RECK: variants seen among roughly 807,000 people sequenced by gnomAD.
The protein encoded by RECK is reversion-inducing cysteine-rich protein with Kazal motifs.
In RECK, 69 loss-of-function variants were observed where a neutral mutation model predicts 115.1. The ratio of observed to expected loss-of-function variants is 0.60; its 90% CI spans 0.49 to 0.73. The LOEUF is 0.73. Among genes scored for constraint, RECK ranks in the 30% least tolerant of loss-of-function variants. The pLI, the probability that RECK is intolerant of heterozygous loss-of-function variation, is 0.00. For missense variants in RECK, 1,047 were observed against 1,203.7 expected, an observed-to-expected ratio of 0.87 and a Z score of 1.93; for synonymous variants, 414 against 419.7, an observed-to-expected ratio of 0.99 and a Z score of 0.17.
At chr9:36,082,505 C>CT (rs1404374659) in intron 7 of RECK, among the ~76,000 whole-genome samples, 1 of 152,126 alleles carries the variant, frequency 6.6e-6, no homozygotes, top group African/African-American at 2.4e-5. Context: ...CTACCTCTCC[C>CT]TTCAGCCTCC....
chr9:36,041,265 A>T (rs980794198), intron 1 of RECK, among the ~76,000 whole-genome samples: 4 of 152,218 alleles, frequency 2.6e-5, no homozygotes, highest in African/African-American at 9.6e-5. Context: ...TATATAGCAC[A>T]TAGTATGATG....
intron 6 of RECK, among the ~76,000 whole-genome samples, chr9:36,072,013 A>C (rs1428482137): frequency 6.6e-6 from 1 of 152,160 alleles, no homozygotes; most frequent in African/African-American, 2.4e-5. Flanking sequence ...GAGATATTTG[A>C]GATATTTTCT....
intron 9 of RECK, among the ~76,000 whole-genome samples, chr9:36,089,692 G>T (rs1281134388): frequency 6.6e-6 from 1 of 152,022 alleles, no homozygotes; most frequent in African/African-American, 2.4e-5. Flanking sequence ...ATGTGTATAA[G>T]GTATATATGA....
At chr9:36,066,384 A>G (rs1157874389) in intron 6 of RECK, among the ~76,000 whole-genome samples, 1 of 152,180 alleles carries the variant, frequency 6.6e-6, no homozygotes. Flanking sequence ...CACCATTTTT[A>G]TATACAAACA....
Position 36,091,274 on chromosome 9 carries a change from T to C in RECK, c.1016T>C (p.Leu339Ser), listed in dbSNP as rs766270335. ...NPVEVSMLTC[L>S]ADVREPCQLG... ...GTGGAAGTGTCCATGTTGACCTGTTTAGCGGATGTCCGGGAACCTTGCCAG... is the reference window on the plus strand; with the variant it reads ...GTGGAAGTGTCCATGTTGACCTGTTCAGCGGATGTCCGGGAACCTTGCCAG... Residue 339 changes from leucine to serine, a missense_variant, in exon 10 of 21, where the codon TTA becomes TCA. Transcript: ENST00000377966. 2 of 1,611,192 alleles carry C rather than the reference T, an allele frequency of 1.2e-6. No individual in the cohort carries two copies. Among genetic ancestry groups the C allele is most frequent in the Non-Finnish European group, 1.7e-6 (2 of 1,179,092 alleles).
In RECK at chr9:36,123,205, G is replaced by T; in HGVS notation, c.*160G>T. The T allele has an allele frequency of 7.2e-6, 4 of 557,714 alleles. No individual in the cohort carries two copies. The highest frequency in any genetic ancestry group is 2.8e-5 in the South Asian group (1 of 36,332). 34.5% of individuals were successfully genotyped at this position (557,714 alleles called of 1,614,324 possible). A position where few individuals can be genotyped will look rare whatever the true frequency, so the allele number is the denominator to read the frequency against. ...TTTTTTTAATCCGCCAATATTAGTA[G>T]GATTTTTGTTTTGTTTTTACAAATG... On this transcript the variant is annotated 3_prime_UTR_variant, in exon 21 of 21. Coordinates refer to ENST00000377966, the MANE Select transcript of RECK (RefSeq NM_021111.3).
At chr9:36,083,962 C>T (rs1822835538) in intron 8 of RECK, among the ~76,000 whole-genome samples, 1 of 152,048 alleles carries the variant, frequency 6.6e-6, no homozygotes, top group Non-Finnish European at 1.5e-5. Context: ...ATGTTCACTA[C>T]AATGCTGGTA....
At chr9:36,112,648 G>A (rs1351741914) in intron 16 of RECK, among the ~76,000 whole-genome samples, 172 bp downstream of exon 16, 2 of 152,152 alleles carry the variant, frequency 1.3e-5, no homozygotes, top group African/African-American at 2.4e-5. Context: ...AAGGTGCTGC[G>A]ATTGGGAGCC....
chr9:36,060,785 T>A (rs2132581613), intron 4 of RECK, among the ~76,000 whole-genome samples: 1 of 152,254 alleles, frequency 6.6e-6, no homozygotes, highest in East Asian at 1.9e-4. Flanking sequence ...TCTGAGAAGG[T>A]GACTCTCAAA....
chr9:36,065,270 A>G (rs947670263), intron 5 of RECK, among the ~76,000 whole-genome samples: 5 of 147,030 alleles, frequency 3.4e-5, no homozygotes, highest in Admixed American at 6.8e-5. Context: ...CTGATTTACA[A>G]TTTCCTTCAA....
chr9:36,122,756 A>T, intron 20 of RECK, 68 bp from the exon 21 acceptor site: 1 of 1,305,842 alleles, frequency 7.7e-7, no homozygotes, highest in South Asian at 1.3e-5. Flanking sequence ...TATACGTGGA[A>T]TTTGTCTGGC....
At position 36,118,863 on chromosome 9, in the gene RECK, G is replaced by C; in HGVS notation, c.2360G>C (p.Cys787Ser). Residue 787 changes from cysteine (C) to serine (S), a missense_variant, in exon 18 of 21, where the codon TGC becomes TCC. Coordinates refer to ENST00000377966, the MANE Select transcript of RECK (RefSeq NM_021111.3). Reference sequence around the variant, plus strand: ...GTGGCAGTCGATTACTATGGGGACTGCCAGGCCGTCGGAGTCCTCTCAGAG... The same window carrying C: ...GTGGCAGTCGATTACTATGGGGACTCCCAGGCCGTCGGAGTCCTCTCAGAG... ...DRVAVDYYGDCQAVGVLSEHS... is the reference protein window; with the variant it reads ...DRVAVDYYGDSQAVGVLSEHS... 2 of 1,614,120 alleles carry C rather than the reference G, an allele frequency of 1.2e-6. No homozygotes were observed. The highest frequency in any genetic ancestry group is 1.7e-6 in the Non-Finnish European group (2 of 1,180,042).
Position 36,052,283 on chromosome 9 carries a change from A to T in RECK, c.119A>T (p.His40Leu). 2.5e-6 allele frequency: 4 copies of T among 1,609,358 alleles called. No individual in the cohort carries two copies. The highest frequency in any genetic ancestry group is 3.4e-6 in the Non-Finnish European group (4 of 1,175,870). Residue 40 changes from histidine to leucine, a missense_variant, in exon 2 of 21, where the codon CAT (histidine) becomes CTT (leucine). His to Leu is a moderately conservative substitution (Grantham distance 99, BLOSUM62 -3). Coordinates refer to ENST00000377966, the MANE Select transcript of RECK (RefSeq NM_021111.3). ...PGSAGALCCN[H>L]SKDNQMCRDV... ...TCCCTAGGTGCATTGTGTTGTAATC[A>T]TTCAAAGGATAACCAAATGTGCCGT... is the stretch of plus-strand genomic sequence containing the variant.
At chr9:36,120,282 A>T (rs1229412787) in intron 18 of RECK, among the ~76,000 whole-genome samples, 1 of 152,190 alleles carries the variant, frequency 6.6e-6, no homozygotes, top group East Asian at 1.9e-4. Context: ...GGAACCCCTG[A>T]AACACCAACT....
intron 1 of RECK, among the ~76,000 whole-genome samples, chr9:36,051,349 A>G (rs774249839): frequency 6.6e-6 from 1 of 152,198 alleles, no homozygotes; most frequent in African/African-American, 2.4e-5. Flanking sequence ...GGAACCTTGC[A>G]TCTTTGTATA....
intron 14 of RECK, among the ~76,000 whole-genome samples, 182 bp from the exon 15 acceptor site, chr9:36,109,775 C>T (rs916996579): frequency 4.6e-5 from 7 of 151,146 alleles, no homozygotes; most frequent in Admixed American, 1.3e-4. Context: ...GCCCGGGAAG[C>T]GGAGGTTGCA....
intron 6 of RECK, among the ~76,000 whole-genome samples, chr9:36,073,378 T>G (rs1367703421): frequency 8.5e-5 from 13 of 152,110 alleles, no homozygotes; most frequent in Admixed American, 8.5e-4. Flanking sequence ...TGAGAGGTAT[T>G]GTCTACTCTT....
chr9:36,082,152 T>TCTCTCTCTCTC (rs1822728438), intron 7 of RECK, among the ~76,000 whole-genome samples: 2 of 113,650 alleles, frequency 1.8e-5, no homozygotes, highest in Non-Finnish European at 1.8e-5. Flanking sequence ...CCTCCCTGCT[T>TCTCTCTCTCTC]TCTCTCTCTC....
chr9:36,041,195 C>T (rs2132544141), intron 1 of RECK, among the ~76,000 whole-genome samples: 1 of 152,184 alleles, frequency 6.6e-6, no homozygotes. Flanking sequence ...TTAGTACATA[C>T]CTATTTATAT....
Sources: allele counts gnomAD v4.1 joint callset (sites outside exome capture counted in the v4.1 genomes callset), GRCh38; gene constraint gnomAD v4.1.1; transcripts MANE v1.5; gene names NCBI Gene and HGNC (gene_info 2026-07-23, HGNC 2026-07-21).